DNAH5: variants seen among roughly 807,000 people sequenced by gnomAD.
DNAH5 encodes axonemal beta dynein heavy chain 5.
In DNAH5, 372 loss-of-function variants were observed where a neutral mutation model predicts 518.2. The observed-to-expected ratio is 0.72, with a 90% CI of 0.66 to 0.78. The LOEUF (loss-of-function observed/expected upper bound fraction) is 0.78. Ranked by LOEUF, DNAH5 falls within the 30% of genes least tolerant of loss-of-function variation. DNAH5 has a pLI of 0.00. For synonymous variants in DNAH5, 2,039 were observed against 2,025.9 expected (o/e 1.01, Z -0.17); for missense variants, 5,523 against 5,687.0 (o/e 0.97, Z 0.93).
intron 33 of DNAH5, 41 bp downstream of exon 33, chr5:13,841,651 A>C (rs1402389658): frequency 1.4e-6 from 2 of 1,479,030 alleles, no homozygotes; most frequent in Non-Finnish European, 1.9e-6. Flanking sequence ...ACTTAAAATG[A>C]CTATTTTACA....
chr5:13,936,694 T>A (rs572150703), intron 1 of DNAH5, among the ~76,000 whole-genome samples: 1 of 152,352 alleles, frequency 6.6e-6, no homozygotes, highest in African/African-American at 2.4e-5. Context: ...ACCAAGGATT[T>A]GATCCTGGAC....
intron 75 of DNAH5, 66 bp from the exon 76 acceptor site, chr5:13,708,401 C>T (rs1743072846): frequency 6.5e-7 from 1 of 1,529,602 alleles, no homozygotes; most frequent in African/African-American, 1.4e-5. Context: ...GACCTGGTGC[C>T]CTGGGGCCTC....
chr5:13,963,916 C>T (rs1781359780), intron 1 of DNAH5, among the ~76,000 whole-genome samples: 1 of 152,182 alleles, frequency 6.6e-6, no homozygotes, highest in Non-Finnish European at 1.5e-5. Context: ...AATCCTGCCA[C>T]CTCAGCCTCC....
chr5:13,924,550 C>T, intron 3 of DNAH5, among the ~76,000 whole-genome samples: 1 of 151,914 alleles, frequency 6.6e-6, no homozygotes, highest in Admixed American at 6.6e-5. Context: ...TGGCACATGC[C>T]TGTAATCCCA....
chr5:13,728,572 T>A (rs1318401316), intron 69 of DNAH5, among the ~76,000 whole-genome samples: 3 of 152,130 alleles, frequency 2.0e-5, no homozygotes, highest in African/African-American at 7.2e-5. Context: ...CTGGGGGTAA[T>A]CCTATTGGGG....
chr5:14,003,910 C>G (rs766306682), intron 1 of DNAH5, among the ~76,000 whole-genome samples: 2 of 152,186 alleles, frequency 1.3e-5, no homozygotes, highest in Non-Finnish European at 2.9e-5. Flanking sequence ...TGGATCAGCC[C>G]CAGCTATTCC....
chr5:13,902,928 T>A (rs527901997), intron 12 of DNAH5, among the ~76,000 whole-genome samples: 1 of 151,830 alleles, frequency 6.6e-6, no homozygotes, highest in East Asian at 1.9e-4. Flanking sequence ...GGAAAAAAAA[T>A]AAATACATAA....
chr5:13,757,195 G>A (rs954173067), intron 61 of DNAH5, among the ~76,000 whole-genome samples: 3 of 152,204 alleles, frequency 2.0e-5, no homozygotes, highest in African/African-American at 4.8e-5. Context: ...ATAACAGAAC[G>A]ATTTATATTC....
At position 13,793,497 on chromosome 5, in the gene DNAH5, C is replaced by A; in HGVS notation, c.8224+18G>T. The A allele has an allele frequency of 6.2e-7, 1 of 1,604,468 alleles. No homozygotes were observed. The highest frequency in any genetic ancestry group is 1.1e-5 in the South Asian group (1 of 90,892). ...TGTTCTTCCTCACCCTCCCACCCCA[C>A]ATCCTCTTGATCTTTACCAAAGATC... On this transcript the variant is annotated intron_variant, in intron 49 of 78. Transcript: ENST00000265104.
In DNAH5 at chr5:13,885,080, A is replaced by C; in HGVS notation, c.2892T>G (p.His964Gln). The C allele has an allele frequency of 6.2e-7, 1 of 1,614,210 alleles. No homozygotes were observed. ...EARELLSHFN[H>Q]QNMDALLKVT... ...CTTTCAGAAGAGCATCCATGTTCTG[A>C]TGGTTGAAATGAGAGAGTAACTCGC... The change falls in exon 19 of 79, where the codon CAT (histidine) becomes CAG (glutamine). Residue 964 changes from histidine (H) to glutamine (Q), a missense_variant. Physicochemically the swap from His to Gln is conservative, Grantham distance 24. This residue lies in a region of DNAH5 where 5,121 missense variants were observed against 5,223.3 expected (regional missense o/e 0.98). Transcript: ENST00000265104.
At chr5:13,853,298 C>G (rs984975838) in intron 30 of DNAH5, among the ~76,000 whole-genome samples, 1 of 152,180 alleles carries the variant, frequency 6.6e-6, no homozygotes, top group Non-Finnish European at 1.5e-5. Context: ...TAGAGGAACA[C>G]TAACAAACAG....
intron 53 of DNAH5, 70 bp from the exon 54 acceptor site, chr5:13,777,425 G>T: frequency 7.1e-7 from 1 of 1,408,616 alleles, no homozygotes; most frequent in South Asian, 1.2e-5. Context: ...TTGTAACAAC[G>T]CATTATGCCA....
At chr5:13,923,208 C>T (rs1777492702) in intron 4 of DNAH5, 72 bp downstream of exon 4, 4 of 1,578,234 alleles carry the variant, frequency 2.5e-6, no homozygotes, top group Non-Finnish European at 3.5e-6. Flanking sequence ...ATTGTCTCCA[C>T]CAGAGGAATA....
chr5:13,905,068 A>C (rs988483765), intron 12 of DNAH5, among the ~76,000 whole-genome samples: 1 of 152,248 alleles, frequency 6.6e-6, no homozygotes, highest in Admixed American at 6.5e-5. Context: ...CATTGAAGAT[A>C]AATATGGTCA....
rs140975412 is a variant in DNAH5, at chr5:13,843,772, A to G, written c.5271+1065T>C. Among the ~76,000 whole-genome samples the G allele has an allele frequency of 1.3e-4, 20 of 152,284 alleles. No homozygotes were observed. In the East Asian group the frequency reaches 3.9e-3, roughly 29 times the overall value. Reference sequence around the variant, plus strand: ...GTTATATTCTACTTACCTTCAAAACATCAGTGCAAATTTATATTCTGCAGA... The same window carrying G: ...GTTATATTCTACTTACCTTCAAAACGTCAGTGCAAATTTATATTCTGCAGA... On this transcript the variant is annotated intron_variant, in intron 32 of 78. Transcript: ENST00000265104.
At chr5:13,956,531 AGT>A (rs939476307) in intron 1 of DNAH5, among the ~76,000 whole-genome samples, 5 of 152,158 alleles carry the variant, frequency 3.3e-5, no homozygotes, top group South Asian at 2.1e-4. Context: ...TGCTATAGAT[AGT>A]GAGTTATTTG....
intron 68 of DNAH5, among the ~76,000 whole-genome samples, chr5:13,734,170 G>C (rs2126601541): frequency 6.6e-6 from 1 of 152,226 alleles, no homozygotes; most frequent in African/African-American, 2.4e-5. Context: ...CCTCTTCTCT[G>C]CTCCCCAGCA....
intron 50 of DNAH5, among the ~76,000 whole-genome samples, chr5:13,789,330 A>C (rs554637745): frequency 6.6e-6 from 1 of 152,316 alleles, no homozygotes; most frequent in East Asian, 1.9e-4. Context: ...GTATTCACTT[A>C]ACACAAAGTG....
Position 13,719,036 on chromosome 5 carries a change from T to C in DNAH5, c.12345A>G (p.Ile4115Met). ...GLDFMDELMDIIIETELVHDA... is the reference protein window; with the variant it reads ...GLDFMDELMDMIIETELVHDA... ...CATGTACAAGCTCAGTTTCTATGAT[T>C]ATGTCCATCAGCTCATCCATGAAAT... Residue 4115 changes from isoleucine to methionine, a missense_variant, in exon 72 of 79, where the codon ATA becomes ATG. Ile to Met is a conservative substitution (Grantham distance 10, BLOSUM62 1). This residue lies in a region of DNAH5 where 5,121 missense variants were observed against 5,223.3 expected (regional missense o/e 0.98). Coordinates refer to ENST00000265104, the MANE Select transcript of DNAH5 (RefSeq NM_001369.3). 1 of 1,614,130 alleles carries C rather than the reference T, an allele frequency of 6.2e-7. No homozygotes were observed. Among genetic ancestry groups the C allele is most frequent in the South Asian group, 1.1e-5 (1 of 91,072 alleles).
Sources: allele counts gnomAD v4.1 joint callset (sites outside exome capture counted in the v4.1 genomes callset), GRCh38; gene constraint gnomAD v4.1.1; regional missense constraint gnomAD v4.1.1; transcripts MANE v1.5; gene names NCBI Gene and HGNC (gene_info 2026-07-23, HGNC 2026-07-21).